The following LINGO2 variants were observed in gnomAD, a reference collection of about 807,000 sequenced individuals.
LINGO2 encodes leucine rich repeat and Ig domain containing 2.
In LINGO2, 14 loss-of-function variants were observed where a neutral mutation model predicts 30.6. The observed-to-expected ratio is 0.46, with a 90% CI of 0.30 to 0.72. The LOEUF (loss-of-function observed/expected upper bound fraction) is 0.72. Ranked by LOEUF, LINGO2 falls within the 30% of genes least tolerant of loss-of-function variation. LINGO2 has a pLI of 0.07. For missense variants in LINGO2, 729 were observed against 751.7 expected, an observed-to-expected ratio of 0.97 and a Z score of 0.35; for synonymous variants, 317 against 288.5, an observed-to-expected ratio of 1.10 and a Z score of -1.00.
chr9:28,162,287 A>C (rs905008611), intron 4 of LINGO2, among the ~76,000 whole-genome samples: 4 of 152,172 alleles, frequency 2.6e-5, no homozygotes, highest in African/African-American at 9.6e-5. Flanking sequence ...TCCAATAAAC[A>C]TTCAATCTTT....
chr9:28,671,778 T>C (rs970311422), upstream of LINGO2, among the ~76,000 whole-genome samples: 51 of 151,916 alleles, frequency 3.4e-4, no homozygotes, highest in African/African-American at 1.2e-3. Context: ...ACCCCAAACC[T>C]AAAATAAGAG....
chr9:29,116,337 G>C, the LINGO2 span, among the ~76,000 whole-genome samples: 2 of 151,928 alleles, frequency 1.3e-5, no homozygotes, highest in Non-Finnish European at 1.5e-5. Flanking sequence ...GGGCAAGCAT[G>C]TCTTTGTTCA....
intron 4 of LINGO2, among the ~76,000 whole-genome samples, chr9:28,097,066 C>T (rs1208489060): frequency 2.0e-5 from 3 of 151,506 alleles, no homozygotes; most frequent in Admixed American, 6.6e-5. Context: ...TTTATGCAGC[C>T]AAAAAACACA....
At chr9:28,531,960 G>T (rs1821251397) in intron 1 of LINGO2, among the ~76,000 whole-genome samples, 1 of 152,110 alleles carries the variant, frequency 6.6e-6, no homozygotes. Context: ...TGTAGCTATT[G>T]ATATCTAAAA....
chr9:28,065,895 C>A (rs1428368505), intron 4 of LINGO2, among the ~76,000 whole-genome samples: 1 of 151,974 alleles, frequency 6.6e-6, no homozygotes, highest in Non-Finnish European at 1.5e-5. Flanking sequence ...TTAAATTGTT[C>A]ACAAGTACAG....
chr9:28,345,881 T>C (rs777788447), intron 3 of LINGO2, among the ~76,000 whole-genome samples: 3 of 152,186 alleles, frequency 2.0e-5, no homozygotes, highest in Non-Finnish European at 2.9e-5. Flanking sequence ...CAAAAGTCCT[T>C]ATATAAACAA....
chr9:28,077,074 G>C (rs1825645662), intron 4 of LINGO2, among the ~76,000 whole-genome samples: 1 of 152,034 alleles, frequency 6.6e-6, no homozygotes, highest in African/African-American at 2.4e-5. Flanking sequence ...CAGCTTACTG[G>C]TTTCTACCCC....
chr9:28,252,198 G>T (rs1038320037), intron 4 of LINGO2, among the ~76,000 whole-genome samples: 1 of 152,006 alleles, frequency 6.6e-6, no homozygotes, highest in Non-Finnish European at 1.5e-5. Context: ...TACATAAATG[G>T]AATGAAGGTT....
chr9:29,101,366 T>C, the LINGO2 span, among the ~76,000 whole-genome samples: 3 of 152,178 alleles, frequency 2.0e-5, no homozygotes, highest in African/African-American at 7.2e-5. Context: ...GGAAAGAGAT[T>C]CATAACAGGA....
the LINGO2 span, among the ~76,000 whole-genome samples, chr9:28,837,057 G>C: frequency 6.6e-6 from 1 of 152,132 alleles, no homozygotes; most frequent in Non-Finnish European, 1.5e-5. Context: ...AGTTATGTTT[G>C]TGAGTATGAT....
chr9:28,137,202 C>CTG (rs1827543389), intron 4 of LINGO2, among the ~76,000 whole-genome samples: 1 of 149,824 alleles, frequency 6.7e-6, no homozygotes, highest in African/African-American at 2.5e-5. Context: ...ATCCCTGACA[C>CTG]ACACACACAC....
At chr9:28,678,540 C>T in the LINGO2 span, among the ~76,000 whole-genome samples, 1 of 152,062 alleles carries the variant, frequency 6.6e-6, no homozygotes, top group Non-Finnish European at 1.5e-5. Flanking sequence ...TTGAGTGCAT[C>T]GCTTGCTAGA....
intron 1 of LINGO2, among the ~76,000 whole-genome samples, chr9:28,594,915 T>C (rs17833124): frequency 0.037 from 5,578 of 152,180 alleles, 130 homozygotes; most frequent in African/African-American, 0.049. Flanking sequence ...ATGTGGTGTA[T>C]AAATTTGAAA....
chr9:28,487,696 C>G (rs765788641), intron 1 of LINGO2, among the ~76,000 whole-genome samples: 3 of 152,146 alleles, frequency 2.0e-5, no homozygotes, highest in African/African-American at 4.8e-5. Context: ...TTTTTCTGCA[C>G]TGTGACACCT....
chr9:27,970,624 G>C (rs1347730071), intron 5 of LINGO2, among the ~76,000 whole-genome samples: 3 of 152,104 alleles, frequency 2.0e-5, no homozygotes, highest in African/African-American at 4.8e-5. Context: ...TGCTTATGAA[G>C]TCTATTAACA....
chr9:27,970,208 C>T (rs554008097), intron 5 of LINGO2, among the ~76,000 whole-genome samples: 77 of 152,144 alleles, frequency 5.1e-4, no homozygotes, highest in African/African-American at 1.8e-3. Flanking sequence ...TGCTGGGCAG[C>T]GGTGAAAAAC....
chr9:29,022,332 G>T, the LINGO2 span, among the ~76,000 whole-genome samples: 157 of 152,292 alleles, frequency 1.0e-3, 1 homozygote, highest in African/African-American at 3.6e-3. Flanking sequence ...CCTACTGCAG[G>T]ATTTGCAGCT....
the LINGO2 span, among the ~76,000 whole-genome samples, chr9:28,795,408 G>C: frequency 6.6e-6 from 1 of 152,016 alleles, no homozygotes; most frequent in Admixed American, 6.6e-5. Flanking sequence ...AAAAAGCAGC[G>C]TTAGATTCTA....
chr9:28,209,860 G>A (rs1028467293), intron 4 of LINGO2, among the ~76,000 whole-genome samples: 1 of 151,626 alleles, frequency 6.6e-6, no homozygotes, highest in Non-Finnish European at 1.5e-5. Context: ...CAACAGATAA[G>A]TAAACAGATT....
Sources: allele counts gnomAD v4.1 joint callset (sites outside exome capture counted in the v4.1 genomes callset), GRCh38; gene constraint gnomAD v4.1.1; transcripts MANE v1.5; gene names NCBI Gene and HGNC (gene_info 2026-07-23, HGNC 2026-07-21).